Variants in KCNQ5 observed in about 807,000 individuals in gnomAD.
The protein encoded by KCNQ5 is potassium voltage-gated channel subfamily Q member 5.
A neutral mutation model predicts 98.2 loss-of-function variants in KCNQ5; 30 were observed. The ratio of observed to expected loss-of-function variants is 0.31; its 90% CI spans 0.23 to 0.41. KCNQ5 has a LOEUF of 0.41. KCNQ5 is among the 10% of genes least tolerant of loss of function. KCNQ5 has a pLI of 1.00. For synonymous variants in KCNQ5, 458 were observed against 449.4 expected, an observed-to-expected ratio of 1.02 and a Z score of -0.24; for missense variants, 835 against 1,182.5, an observed-to-expected ratio of 0.71 and a Z score of 4.31.
At position 73,198,183 on chromosome 6, in the gene KCNQ5, C is replaced by T. The variant is rs1765865600; in HGVS notation, c.*2769C>T. The T allele has an allele frequency of 6.6e-6, 1 of 152,152 alleles. No individual in the cohort carries two copies. The highest frequency in any genetic ancestry group is 2.1e-4 in the South Asian group (1 of 4,828). 9.4% of individuals were successfully genotyped at this position (152,152 alleles called of 1,614,324 possible). ...TGAGTAGCCATATGCTTTCTGAGTACAAGTGTGTCTGCCTTCTTCAACATG... is the reference window on the plus strand; with the variant it reads ...TGAGTAGCCATATGCTTTCTGAGTATAAGTGTGTCTGCCTTCTTCAACATG... On this transcript the variant is annotated 3_prime_UTR_variant, in exon 14 of 14. Transcript: ENST00000370398.
chr6:73,076,709 C>T (rs997078651), intron 3 of KCNQ5, among the ~76,000 whole-genome samples: 1 of 152,148 alleles, frequency 6.6e-6, no homozygotes, highest in Non-Finnish European at 1.5e-5. Flanking sequence ...CTAAAGAATA[C>T]TCTATACAGG....
intron 1 of KCNQ5, among the ~76,000 whole-genome samples, chr6:72,735,615 CTT>C (rs1770787706): frequency 6.6e-6 from 1 of 151,768 alleles, no homozygotes; most frequent in Non-Finnish European, 1.5e-5. Context: ...TTTTTCAAAA[CTT>C]AAAGTTTTGA....
chr6:72,807,864 T>C (rs1775030006), intron 1 of KCNQ5, among the ~76,000 whole-genome samples: 1 of 152,094 alleles, frequency 6.6e-6, no homozygotes, highest in South Asian at 2.1e-4. Flanking sequence ...TGTGGAAAAG[T>C]GTTCCAGGCA....
chr6:72,720,643 C>T (rs188692127), intron 1 of KCNQ5, among the ~76,000 whole-genome samples: 4 of 152,258 alleles, frequency 2.6e-5, no homozygotes, highest in African/African-American at 7.2e-5. Flanking sequence ...ATCATCAGTG[C>T]GGAGTGATAT....
At chr6:72,675,532 G>T (rs1478209416) in intron 1 of KCNQ5, among the ~76,000 whole-genome samples, 2 of 152,120 alleles carry the variant, frequency 1.3e-5, no homozygotes, top group Non-Finnish European at 2.9e-5. Flanking sequence ...ACTTTGTCTT[G>T]CAGTCTTGCA....
In KCNQ5 at chr6:72,895,567, T is replaced by C. The variant is rs1365858221; in HGVS notation, c.399-108341T>C. Among the ~76,000 whole-genome samples the C allele has an allele frequency of 2.0e-5, 3 of 151,244 alleles. No homozygotes were observed. The East Asian group carries it at 5.8e-4, about 29-fold the overall frequency. ...GGTTAGGAGGAACGTTAAGTAACACTTTGAATTAGTCATTACCGTGTACAG... is the reference window on the plus strand; with the variant it reads ...GGTTAGGAGGAACGTTAAGTAACACCTTGAATTAGTCATTACCGTGTACAG... On this transcript the variant is annotated intron_variant, in intron 1 of 13. Transcript: ENST00000370398.
intron 8 of KCNQ5, among the ~76,000 whole-genome samples, chr6:73,121,295 C>A: frequency 6.8e-6 from 1 of 147,958 alleles, no homozygotes; most frequent in African/African-American, 2.5e-5. Context: ...GAACCAAGGA[C>A]ATTATGGACA....
At chr6:73,185,181 G>C (rs1778526222) in intron 11 of KCNQ5, among the ~76,000 whole-genome samples, 2 of 152,182 alleles carry the variant, frequency 1.3e-5, no homozygotes, top group African/African-American at 2.4e-5. Flanking sequence ...TTCTATGAAA[G>C]AAGTGAGCTT....
intron 1 of KCNQ5, among the ~76,000 whole-genome samples, chr6:72,658,730 G>A (rs1766347614): frequency 1.3e-5 from 2 of 151,244 alleles, no homozygotes; most frequent in African/African-American, 2.4e-5. Flanking sequence ...ATAGGCATGT[G>A]CCACCATGCC....
At chr6:72,780,239 G>A (rs1280806150) in intron 1 of KCNQ5, among the ~76,000 whole-genome samples, 1 of 152,096 alleles carries the variant, frequency 6.6e-6, no homozygotes, top group Non-Finnish European at 1.5e-5. Flanking sequence ...CAGAACAGAG[G>A]CCTGTCCGAC....
chr6:73,037,120 T>C (rs755579636), intron 2 of KCNQ5, among the ~76,000 whole-genome samples: 1 of 152,240 alleles, frequency 6.6e-6, no homozygotes, highest in Non-Finnish European at 1.5e-5. Context: ...CAAATAACTT[T>C]TCATGTGCTT....
At chr6:73,186,087 G>A (rs894770660) in intron 11 of KCNQ5, among the ~76,000 whole-genome samples, 2 of 152,148 alleles carry the variant, frequency 1.3e-5, no homozygotes, top group African/African-American at 4.8e-5. Flanking sequence ...AAATTAACCG[G>A]TGTGGGGGTA....
chr6:73,006,054 G>C (rs550964009), intron 2 of KCNQ5, among the ~76,000 whole-genome samples: 87 of 152,144 alleles, frequency 5.7e-4, no homozygotes, highest in African/African-American at 1.9e-3. Flanking sequence ...AATTAGGAAA[G>C]CATTAATATT....
intron 1 of KCNQ5, among the ~76,000 whole-genome samples, chr6:72,981,337 C>T (rs1480699323): frequency 1.3e-5 from 2 of 152,010 alleles, no homozygotes; most frequent in African/African-American, 2.4e-5. Context: ...AATTTCAGAG[C>T]CTGTTATTGG....
chr6:73,054,239 G>T (rs775984735), intron 3 of KCNQ5, among the ~76,000 whole-genome samples: 1 of 152,074 alleles, frequency 6.6e-6, no homozygotes, highest in Non-Finnish European at 1.5e-5. Flanking sequence ...GGACCAGAGG[G>T]ATTCACAGCT....
intron 5 of KCNQ5, among the ~76,000 whole-genome samples, chr6:73,086,358 C>T (rs1773987755): frequency 6.6e-6 from 1 of 152,144 alleles, no homozygotes; most frequent in South Asian, 2.1e-4. Flanking sequence ...ACATCATACC[C>T]CCACTGTGGA....
intron 1 of KCNQ5, among the ~76,000 whole-genome samples, chr6:72,942,640 CT>C (rs1421917244): frequency 6.6e-6 from 1 of 152,158 alleles, no homozygotes; most frequent in Admixed American, 6.5e-5. Context: ...TCAAAAATAT[CT>C]GAGCCTTCTG....
intron 11 of KCNQ5, among the ~76,000 whole-genome samples, chr6:73,170,795 G>A (rs1481498148): frequency 2.0e-5 from 3 of 151,882 alleles, no homozygotes; most frequent in Non-Finnish European, 4.4e-5. Flanking sequence ...TTAGCTGGGT[G>A]TGGTGGCGGG....
At chr6:72,846,003 G>A (rs1172986258) in intron 1 of KCNQ5, among the ~76,000 whole-genome samples, 8 of 152,086 alleles carry the variant, frequency 5.3e-5, no homozygotes, top group African/African-American at 1.7e-4. Flanking sequence ...TAGGAAGCCT[G>A]TTCAGGGTGA....
Sources: allele counts gnomAD v4.1 joint callset (sites outside exome capture counted in the v4.1 genomes callset), GRCh38; gene constraint gnomAD v4.1.1; transcripts MANE v1.5; gene names NCBI Gene and HGNC (gene_info 2026-07-23, HGNC 2026-07-21).